BCKDHB: variants seen among roughly 807,000 people sequenced by gnomAD.
BCKDHB encodes the protein branched chain keto acid dehydrogenase E1 subunit beta.
Under a neutral mutation model 48.5 loss-of-function variants are expected in BCKDHB, and 41 were observed. The ratio of observed to expected loss-of-function variants is 0.85; its 90% CI spans 0.66 to 1.10. The LOEUF is 1.10. Among genes scored for constraint, BCKDHB ranks in the 50% least tolerant of loss-of-function variants. The pLI is 0.00. For synonymous variants in BCKDHB, 201 were observed against 174.8 expected, an observed-to-expected ratio of 1.15 and a Z score of -1.18; for missense variants, 496 against 494.2, an observed-to-expected ratio of 1.00 and a Z score of -0.03.
At chr6:80,194,883 G>A (rs950350801) in intron 6 of BCKDHB, among the ~76,000 whole-genome samples, 1 of 151,884 alleles carries the variant, frequency 6.6e-6, no homozygotes, top group Admixed American at 6.6e-5. Context: ...CCTTCCTTTT[G>A]CCATAATACT....
the BCKDHB span, among the ~76,000 whole-genome samples, chr6:80,427,008 G>T: frequency 6.6e-6 from 1 of 151,894 alleles, no homozygotes. Flanking sequence ...GAATTCTAAT[G>T]TATTTGTATA....
chr6:80,380,040 C>G, the BCKDHB span, among the ~76,000 whole-genome samples: 1 of 152,022 alleles, frequency 6.6e-6, no homozygotes, highest in South Asian at 2.1e-4. Context: ...AATGCAGTTC[C>G]TATCAAATTA....
In BCKDHB at chr6:80,346,048, T is replaced by G. The variant is rs1770187911; in HGVS notation, c.*2244T>G. 1.3e-5 allele frequency: 2 copies of G among 152,196 alleles called. No homozygotes were observed. Among genetic ancestry groups the G allele is most frequent in the African/African-American group, 4.8e-5 (2 of 41,462 alleles). 9.4% of individuals were successfully genotyped at this position (152,196 alleles called of 1,614,324 possible). A position where few individuals can be genotyped will look rare whatever the true frequency, so the allele number is the denominator to read the frequency against. Reference sequence around the variant, plus strand: ...TTTTTTATATTTCCTCCGACTTACCTCTTTTTGAAAAGAGAGTTTTTATTA... The same window carrying G: ...TTTTTTATATTTCCTCCGACTTACCGCTTTTTGAAAAGAGAGTTTTTATTA... On this transcript the variant is annotated 3_prime_UTR_variant, in exon 10 of 10. Transcript: ENST00000320393.
intron 6 of BCKDHB, among the ~76,000 whole-genome samples, chr6:80,191,054 G>A (rs1051969272): frequency 6.6e-6 from 1 of 152,180 alleles, no homozygotes; most frequent in Non-Finnish European, 1.5e-5. Context: ...CCAGCTCAGA[G>A]ATGGTAGCAG....
intron 8 of BCKDHB, among the ~76,000 whole-genome samples, chr6:80,258,861 G>A (rs668329): frequency 0.33 from 50,220 of 151,882 alleles, 8,879 homozygotes; most frequent in Non-Finnish European, 0.41. Flanking sequence ...TATAACTCTT[G>A]GGGTTATAAT....
intron 9 of BCKDHB, among the ~76,000 whole-genome samples, chr6:80,325,259 G>GA (rs776691837): frequency 4.6e-5 from 7 of 151,730 alleles, no homozygotes. Context: ...ATCCTTTTTT[G>GA]AAAAAATCAT....
intron 8 of BCKDHB, among the ~76,000 whole-genome samples, chr6:80,212,885 T>A (rs1306137518): frequency 6.6e-6 from 1 of 152,196 alleles, no homozygotes; most frequent in Non-Finnish European, 1.5e-5. Context: ...ACCTTTTCCT[T>A]CTTTCCTCTT....
chr6:80,312,607 A>G (rs1768226538), intron 9 of BCKDHB, among the ~76,000 whole-genome samples: 1 of 152,160 alleles, frequency 6.6e-6, no homozygotes, highest in African/African-American at 2.4e-5. Flanking sequence ...ATGTTCCTTC[A>G]GTACCTTGTT....
At chr6:80,223,847 G>A (rs181931560) in intron 8 of BCKDHB, among the ~76,000 whole-genome samples, 1 of 152,272 alleles carries the variant, frequency 6.6e-6, no homozygotes, top group East Asian at 1.9e-4. Flanking sequence ...GGGAGCTTGG[G>A]CTGGTGGTGC....
At chr6:80,258,153 T>C (rs1247788370) in intron 8 of BCKDHB, among the ~76,000 whole-genome samples, 8 of 152,208 alleles carry the variant, frequency 5.3e-5, no homozygotes, top group Admixed American at 5.2e-4. Context: ...ATTTTTATCA[T>C]AGAATTTTGC....
Position 80,141,533 on chromosome 6 carries a change from A to C in BCKDHB, c.343+12304A>C, listed in dbSNP as rs192147743. Among the ~76,000 whole-genome samples, 84 of 152,266 alleles carry C rather than the reference A, an allele frequency of 5.5e-4. 1 individual carries two copies. Among genetic ancestry groups the C allele is most frequent in the Non-Finnish European group, 7.6e-4 (52 of 67,992 alleles). On this transcript the variant is annotated intron_variant, in intron 3 of 9. Transcript: ENST00000320393. ...AACAGGTGTTCTCTTTGACATTTTA[A>C]GTATCAGTCAGAATGTAATGACCTT...
At chr6:80,160,304 G>A (rs887039707) in intron 3 of BCKDHB, among the ~76,000 whole-genome samples, 2 of 152,002 alleles carry the variant, frequency 1.3e-5, no homozygotes, top group South Asian at 4.1e-4. Context: ...TTACAGGCAT[G>A]CACCACCACA....
At chr6:80,173,488 C>G (rs890896040) in intron 6 of BCKDHB, among the ~76,000 whole-genome samples, 1 of 152,092 alleles carries the variant, frequency 6.6e-6, no homozygotes, top group East Asian at 1.9e-4. Flanking sequence ...TCTGGGCCAG[C>G]AGAATAATCA....
chr6:80,327,557 A>G (rs1357499446), intron 9 of BCKDHB, among the ~76,000 whole-genome samples: 1 of 152,176 alleles, frequency 6.6e-6, no homozygotes, highest in African/African-American at 2.4e-5. Flanking sequence ...GTCTCAGGAA[A>G]CTTGCAGTCT....
At chr6:80,166,878 A>C (rs1220752477) in intron 3 of BCKDHB, among the ~76,000 whole-genome samples, 2 of 152,142 alleles carry the variant, frequency 1.3e-5, no homozygotes, top group Non-Finnish European at 2.9e-5. Context: ...TTTGTATGTC[A>C]GTTAGGCCAT....
the BCKDHB span, chr6:80,356,455 G>A: frequency 1.1e-4 from 17 of 152,126 alleles, no homozygotes; most frequent in African/African-American, 4.1e-4. Flanking sequence ...TGATGATTAT[G>A]AAAATTATGT....
At chr6:80,308,579 TTTCTTC>T (rs201942046) in intron 9 of BCKDHB, among the ~76,000 whole-genome samples, 2 of 147,280 alleles carry the variant, frequency 1.4e-5, no homozygotes, top group Non-Finnish European at 3.0e-5. Flanking sequence ...ACAGGTAGAT[TTTCTTC>T]TTCTTCTTCT....
rs1338533241 is a variant in BCKDHB, at chr6:80,345,451, A to G, written c.*1647A>G. 1 of 152,226 alleles carries G rather than the reference A, an allele frequency of 6.6e-6. No individual in the cohort carries two copies. The highest frequency in any genetic ancestry group is 6.5e-5 in the Admixed American group (1 of 15,280). 9.4% of individuals were successfully genotyped at this position (152,226 alleles called of 1,614,324 possible). A position where few individuals can be genotyped will look rare whatever the true frequency, so the allele number is the denominator to read the frequency against. ...CTGAAAATCAGAGTGAAACGCCTTT[A>G]CATTTGTGCGGATAGAGAAGTTAAC... On this transcript the variant is annotated 3_prime_UTR_variant, in exon 10 of 10. Coordinates refer to ENST00000320393, the MANE Select transcript of BCKDHB (RefSeq NM_183050.4).
At chr6:80,140,718 G>T (rs562275397) in intron 3 of BCKDHB, among the ~76,000 whole-genome samples, 91 of 152,162 alleles carry the variant, frequency 6.0e-4, no homozygotes, top group African/African-American at 2.0e-3. Flanking sequence ...GTATTTTTTT[G>T]AGGATTTTTG....
Sources: gnomAD v4.1 joint callset for allele counts (sites outside exome capture counted in the v4.1 genomes callset) on GRCh38, gnomAD v4.1.1 for gene constraint, MANE v1.5 for transcripts, NCBI Gene and HGNC (gene_info 2026-07-23, HGNC 2026-07-21) for gene names.